The following CEMIP2 variants were observed in gnomAD, a reference collection of about 807,000 sequenced individuals.
CEMIP2 encodes the protein cell migration inducing hyaluronidase 2.
In CEMIP2, 79 loss-of-function variants were observed where a neutral mutation model predicts 146.9. The ratio of observed to expected loss-of-function variants is 0.54; its 90% CI spans 0.45 to 0.65. The LOEUF (loss-of-function observed/expected upper bound fraction) is 0.65. CEMIP2 is among the 30% of genes least tolerant of loss of function. CEMIP2 has a pLI of 0.00. For missense variants in CEMIP2, 1,596 were observed against 1,696.2 expected (o/e 0.94, Z 1.04); for synonymous variants, 601 against 606.3 (o/e 0.99, Z 0.13).
At chr9:71,742,673 G>A (rs1018171215) in intron 4 of CEMIP2, among the ~76,000 whole-genome samples, 9 of 152,176 alleles carry the variant, frequency 5.9e-5, no homozygotes, top group African/African-American at 2.2e-4. Context: ...AACAATAGTA[G>A]CATGAAGAAA....
At chr9:71,697,192 G>GA (rs1563996126) in intron 20 of CEMIP2, among the ~76,000 whole-genome samples, 1 of 152,154 alleles carries the variant, frequency 6.6e-6, no homozygotes, top group African/African-American at 2.4e-5. Context: ...AGGGGATCCT[G>GA]ATGCTGCTGG....
chr9:71,734,172 C>A (rs939463360), intron 6 of CEMIP2, among the ~76,000 whole-genome samples: 1 of 151,870 alleles, frequency 6.6e-6, no homozygotes, highest in Non-Finnish European at 1.5e-5. Flanking sequence ...TAAGAAAATA[C>A]CTATCTGATT....
chr9:71,701,927 C>G (rs1444592984), intron 18 of CEMIP2, among the ~76,000 whole-genome samples: 4 of 152,010 alleles, frequency 2.6e-5, no homozygotes, highest in African/African-American at 9.7e-5. Context: ...TTTTGTCATT[C>G]TAAAAAATGT....
chr9:71,692,621 A>G (rs528649280), intron 21 of CEMIP2, among the ~76,000 whole-genome samples: 80 of 152,208 alleles, frequency 5.3e-4, no homozygotes, highest in African/African-American at 1.9e-3. Context: ...GACTTGAAGA[A>G]ACTTTAACCT....
intron 2 of CEMIP2, among the ~76,000 whole-genome samples, chr9:71,749,346 A>T (rs935164472): frequency 6.6e-6 from 1 of 151,996 alleles, no homozygotes; most frequent in East Asian, 1.9e-4. Flanking sequence ...CACAAATATT[A>T]TTATTTTTAG....
chr9:71,695,095 C>T (rs554397364), intron 20 of CEMIP2, among the ~76,000 whole-genome samples: 1 of 152,092 alleles, frequency 6.6e-6, no homozygotes, highest in African/African-American at 2.4e-5. Flanking sequence ...CAGAGTTGTG[C>T]CTTATAGACA....
At chr9:71,688,817 C>T (rs984340194) in intron 22 of CEMIP2, among the ~76,000 whole-genome samples, 12 of 152,136 alleles carry the variant, frequency 7.9e-5, no homozygotes, top group Non-Finnish European at 1.3e-4. Context: ...CAGGTCACCC[C>T]GCAACCCTAT....
chr9:71,700,795 T>A lies in CEMIP2; in HGVS notation c.3224A>T (p.Tyr1075Phe). ...KNDWIRVGLCYPSNTSFQVTF... is the reference protein window; with the variant it reads ...KNDWIRVGLCFPSNTSFQVTF... The stretch of plus-strand genomic sequence containing the variant: ...AACTTGAAAACTTGTGTTTGATGGA[T>A]AGCAAAGGCCAACTCGAATCCAGTC... The change falls in exon 19 of 24, where the codon TAT (tyrosine) becomes TTT (phenylalanine). Residue 1075 changes from tyrosine to phenylalanine, a missense_variant. Physicochemically the swap from Tyr to Phe is conservative, Grantham distance 22. Coordinates refer to ENST00000377044, the MANE Select transcript of CEMIP2 (RefSeq NM_013390.3). 6.2e-7 allele frequency: 1 copy of A among 1,610,738 alleles called. No individual in the cohort carries two copies. Among genetic ancestry groups the A allele is most frequent in the Non-Finnish European group, 8.5e-7 (1 of 1,179,294 alleles).
chr9:71,685,401 AAAAAAAAAAAAAG>A lies in CEMIP2; in HGVS notation c.3956-21_3956-9del. The A allele has an allele frequency of 1.3e-6, 2 of 1,499,334 alleles. No individual in the cohort carries two copies. Among genetic ancestry groups the A allele is most frequent in the Non-Finnish European group, 1.8e-6 (2 of 1,127,008 alleles). The allele number at this position is 1,499,334 out of a possible 1,614,324, so 92.9% of individuals were successfully genotyped here. ...CCAAAAATATGGTACTCCCTAAAAA[AAAAAAAAAAAAAG>A]AAAAAGAAAAAAAATCAATTTTTAT... On this transcript the variant is annotated splice_polypyrimidine_tract_variant and intron_variant, in intron 23 of 23. Coordinates refer to ENST00000377044, the MANE Select transcript of CEMIP2 (RefSeq NM_013390.3).
rs377075798 is a variant in CEMIP2 at position 71,756,269 on chromosome 9, C to T, written c.-12-5884G>A. On this transcript the variant is annotated intron_variant, in intron 1 of 23. Transcript: ENST00000377044. ...ATATATATATATATGTATATATACA[C>T]ACGTATATGTATATACCTATATATA... Among the ~76,000 whole-genome samples, 15 of 142,764 alleles carry T rather than the reference C, an allele frequency of 1.1e-4. No individual in the cohort carries two copies. The East Asian group carries it at 2.2e-3, about 21-fold the overall frequency. 93.7% of individuals were successfully genotyped at this position (142,764 alleles called of 152,430 possible).
At chr9:71,769,317 TAA>T (rs1824900720), upstream of CEMIP2, among the ~76,000 whole-genome samples, 1 of 152,134 alleles carries the variant, frequency 6.6e-6, no homozygotes, top group African/African-American at 2.4e-5. Context: ...CCATCACCCG[TAA>T]AGAGATTTCC....
intron 17 of CEMIP2, among the ~76,000 whole-genome samples, chr9:71,707,078 T>C (rs1029508975): frequency 6.6e-6 from 1 of 152,152 alleles, no homozygotes; most frequent in African/African-American, 2.4e-5. Context: ...TCCACCTGCC[T>C]CAACCTCCCA....
chr9:71,731,690 C>T (rs1198551658), intron 7 of CEMIP2, among the ~76,000 whole-genome samples: 1 of 150,854 alleles, frequency 6.6e-6, no homozygotes, highest in African/African-American at 2.4e-5. Context: ...TGTGATCATG[C>T]CACTGTACTC....
In CEMIP2 at chr9:71,716,038, C is replaced by G. The variant is rs185998930; in HGVS notation, c.2435+479G>C. Reference sequence around the variant, plus strand: ...TAACACTGAGAATGAGGAGAACAAACTTGTCCTGAATATAAGAATTAAATG... The same window carrying G: ...TAACACTGAGAATGAGGAGAACAAAGTTGTCCTGAATATAAGAATTAAATG... On this transcript the variant is annotated intron_variant, in intron 14 of 23. Transcript: ENST00000377044. Among the ~76,000 whole-genome samples, 247 of 152,240 alleles carry G rather than the reference C, an allele frequency of 1.6e-3. 1 individual carries two copies. The highest frequency in any genetic ancestry group is 5.7e-3 in the African/African-American group (237 of 41,566).
chr9:71,760,053 A>G (rs1207609305), intron 1 of CEMIP2, among the ~76,000 whole-genome samples: 2 of 152,088 alleles, frequency 1.3e-5, no homozygotes, highest in Admixed American at 6.5e-5. Context: ...TTGGATTAGA[A>G]TAAGTATTAT....
rs991183169 is a variant in CEMIP2, at chr9:71,767,063, G to A, written c.-13+1294C>T. Among the ~76,000 whole-genome samples, 9 of 152,294 alleles carry A rather than the reference G, an allele frequency of 5.9e-5. No individual in the cohort carries two copies. The South Asian group carries it at 6.2e-4, about 11-fold the overall frequency. ...AAACTAAAAAGAACCCTTTGTATAG[G>A]TAATCAGACCCACAACCACAGTATG... is the stretch of plus-strand genomic sequence containing the variant. On this transcript the variant is annotated intron_variant, in intron 1 of 23. Transcript: ENST00000377044.
At chr9:71,725,758 C>G (rs772989885) in intron 10 of CEMIP2, 49 bp from the exon 11 acceptor site, 2 of 1,554,244 alleles carry the variant, frequency 1.3e-6, no homozygotes, top group East Asian at 4.5e-5. Flanking sequence ...ATACAGATAT[C>G]TATGAAACAC....
At chr9:71,729,805 A>G (rs1823561078) in intron 10 of CEMIP2, 40 bp downstream of exon 10, 2 of 1,591,594 alleles carry the variant, frequency 1.3e-6, no homozygotes, top group African/African-American at 1.3e-5. Context: ...ATAAACAAGA[A>G]AAACATTAAA....
At position 71,704,703 on chromosome 9, in the gene CEMIP2, G is replaced by T. The variant is rs762969493; in HGVS notation, c.3086C>A (p.Ala1029Asp). ...PMVLRGINQK[A>D]AFPQYQPVVM... Reference sequence around the variant, plus strand: ...GACAGGCTGGTACTGTGGAAAGGCAGCCTTCTGATTAATACCTCGGAGCAC... The same window carrying T: ...GACAGGCTGGTACTGTGGAAAGGCATCCTTCTGATTAATACCTCGGAGCAC... The change falls in exon 18 of 24, where the codon GCT (alanine) becomes GAT (aspartate). Residue 1029 changes from alanine (A) to aspartate (D), a missense_variant. Ala to Asp is a moderately radical substitution (Grantham distance 126). Coordinates refer to ENST00000377044, the MANE Select transcript of CEMIP2 (RefSeq NM_013390.3). 4 of 1,614,178 alleles carry T rather than the reference G, an allele frequency of 2.5e-6. No individual in the cohort carries two copies. Among genetic ancestry groups the T allele is most frequent in the Non-Finnish European group, 3.4e-6 (4 of 1,180,030 alleles).
Sources: allele counts gnomAD v4.1 joint callset (sites outside exome capture counted in the v4.1 genomes callset), GRCh38; gene constraint gnomAD v4.1.1; transcripts MANE v1.5; gene names NCBI Gene and HGNC (gene_info 2026-07-23, HGNC 2026-07-21).